Variants in KLHL35 observed in about 807,000 individuals in gnomAD.
The protein encoded by KLHL35 is kelch-like protein 35.
A neutral mutation model predicts 44.0 loss-of-function variants in KLHL35; 50 were observed. That is an observed-to-expected ratio of 1.14 (90% CI 0.91 to 1.44). The LOEUF is 1.44. Ranked by LOEUF, KLHL35 falls within the 40% of genes most tolerant of loss-of-function variation. The pLI, the probability that KLHL35 is intolerant of heterozygous loss-of-function variation, is 0.00. For synonymous variants in KLHL35, 470 were observed against 410.4 expected, an observed-to-expected ratio of 1.15 and a Z score of -1.76; for missense variants, 1,049 against 887.8, an observed-to-expected ratio of 1.18 and a Z score of -2.31.
rs1284894462 is a variant in KLHL35, at chr11:75,430,275, C to A, written c.355G>T (p.Ala119Ser). 2 of 1,205,490 alleles carry A rather than the reference C, an allele frequency of 1.7e-6. No individual in the cohort carries two copies. The highest frequency in any genetic ancestry group is 2.1e-6 in the Non-Finnish European group (2 of 974,038). The allele number at this position is 1,205,490 out of a possible 1,614,324, so 74.7% of individuals were successfully genotyped here. Reference protein sequence around the residue: ...YVYGAGVRLRAEDEAAAVLAL... With the variant: ...YVYGAGVRLRSEDEAAAVLAL... Reference sequence around the variant, plus strand: ...AGCACGGCCGCCGCCTCGTCCTCCGCGCGCAGCCGCACGCCCGCTCCGTAC... The same window carrying A: ...AGCACGGCCGCCGCCTCGTCCTCCGAGCGCAGCCGCACGCCCGCTCCGTAC... Residue 119 changes from alanine (A) to serine (S), a missense_variant, in exon 2 of 7, where the codon GCG becomes TCG. Ala to Ser is a moderately conservative substitution (Grantham distance 99, BLOSUM62 1). Coordinates refer to ENST00000539798, the MANE Select transcript of KLHL35 (RefSeq NM_001039548.3).
chr11:75,430,434 A>C lies in KLHL35; in HGVS notation c.196T>G (p.Phe66Val), dbSNP rs1948527133. 1.4e-6 allele frequency: 2 copies of C among 1,394,770 alleles called. No individual in the cohort carries two copies. The highest frequency in any genetic ancestry group is 1.9e-6 in the Non-Finnish European group (2 of 1,075,386). 86.4% of individuals were successfully genotyped at this position (1,394,770 alleles called of 1,614,324 possible). ...RAALSAGSAY[F>V]RSLFAAGRPE... ...CGCCCGGCCGCGAACAAGCTGCGGA[A>C]GTAGGCGCTGCCCGCGCTGAGCGCC... The change falls in exon 2 of 7, where the codon TTC becomes GTC. Residue 66 changes from phenylalanine to valine, a missense_variant. Coordinates refer to ENST00000539798, the MANE Select transcript of KLHL35 (RefSeq NM_001039548.3).
Position 75,430,023 on chromosome 11 carries a change from G to A in KLHL35, c.607C>T (p.Leu203=). 7.0e-7 allele frequency: 1 copy of A among 1,419,356 alleles called. No homozygotes were observed. The highest frequency in any genetic ancestry group is 9.2e-7 in the Non-Finnish European group (1 of 1,089,030). The allele number at this position is 1,419,356 out of a possible 1,614,324, so 87.9% of individuals were successfully genotyped here. Residue 203 remains leucine (L), a synonymous_variant, in exon 2 of 7, where the codon CTG becomes TTG. Coordinates refer to ENST00000539798, the MANE Select transcript of KLHL35 (RefSeq NM_001039548.3). ...GCCACGCCCAGCGCGGGGTCCGCCA[G>A]CAGCGCCACCACCTCGTCAGGCGCC... ...ELAPDEVVAL[L]ADPALGVARE...
chr11:75,429,305 G>T (rs1592039465), intron 2 of KLHL35, among the ~76,000 whole-genome samples: 1 of 152,124 alleles, frequency 6.6e-6, no homozygotes, highest in South Asian at 2.1e-4. Flanking sequence ...AGAGAGTGTC[G>T]TCTCTGGGGG....
In KLHL35 at chr11:75,425,500, C is replaced by T; in HGVS notation, c.1267G>A (p.Ala423Thr). ...ACGGCCTCCGGGAGGGGCGCGGCGG[C>T]CGCCCAGGTGTTGGAGAAGGGGTCG... The part of the protein sequence containing the change: ...RYDPFSNTWA[A>T]AAPLPEAVSS... Residue 423 changes from alanine (A) to threonine (T), a missense_variant, in exon 5 of 7, where the codon GCC becomes ACC. Transcript: ENST00000539798. 1 of 1,560,642 alleles carries T rather than the reference C, an allele frequency of 6.4e-7. No homozygotes were observed.
In KLHL35 at chr11:75,422,654, C is replaced by T. The variant is rs760307211; in HGVS notation, c.1678G>A (p.Glu560Lys). ...CAGCGCTGCAGGGATGGCTGGACCT[C>T]CACCTGCCCACTGCTGGGGTCAAAG... Reference protein sequence around the residue: ...FTFDPSSGQVEVQPSLQRCTS... With the variant: ...FTFDPSSGQVKVQPSLQRCTS... Residue 560 changes from glutamate (E) to lysine (K), a missense_variant, in exon 7 of 7, where the codon GAG (glutamate) becomes AAG (lysine). Coordinates refer to ENST00000539798, the MANE Select transcript of KLHL35 (RefSeq NM_001039548.3). The T allele has an allele frequency of 6.2e-7, 1 of 1,614,018 alleles. No homozygotes were observed. The highest frequency in any genetic ancestry group is 1.1e-5 in the South Asian group (1 of 91,080).
chr11:75,425,153 TG>T (rs1948478827), intron 5 of KLHL35, among the ~76,000 whole-genome samples: 1 of 152,204 alleles, frequency 6.6e-6, no homozygotes, highest in South Asian at 2.1e-4. Context: ...TTAAAATGTA[TG>T]AAACTTACAT....
Position 75,430,258 on chromosome 11 carries a change from C to A in KLHL35, c.372G>T (p.Ala124=). The A allele has an allele frequency of 8.3e-7, 1 of 1,208,994 alleles. No homozygotes were observed. Among genetic ancestry groups the A allele is most frequent in the Non-Finnish European group, 1.0e-6 (1 of 973,716 alleles). The allele number at this position is 1,208,994 out of a possible 1,614,324, so 74.9% of individuals were successfully genotyped here. A position where few individuals can be genotyped will look rare whatever the true frequency, so the allele number is the denominator to read the frequency against. The change falls in exon 2 of 7, where the codon GCG becomes GCT. Residue 124 remains alanine, a synonymous_variant. Transcript: ENST00000539798. The part of the protein sequence containing the change: ...GVRLRAEDEA[A]AVLALAERLG... ...GCCGCTCCGCCAGCGCCAGCACGGC[C>A]GCCGCCTCGTCCTCCGCGCGCAGCC...
Position 75,429,738 on chromosome 11 carries a change from G to A in KLHL35, c.881+11C>T. 1 of 1,445,664 alleles carries A rather than the reference G, an allele frequency of 6.9e-7. No homozygotes were observed. The allele number at this position is 1,445,664 out of a possible 1,614,324, so 89.6% of individuals were successfully genotyped here. A position where few individuals can be genotyped will look rare whatever the true frequency, so the allele number is the denominator to read the frequency against. On this transcript the variant is annotated intron_variant, in intron 2 of 6. Coordinates refer to ENST00000539798, the MANE Select transcript of KLHL35 (RefSeq NM_001039548.3). The stretch of plus-strand genomic sequence containing the variant: ...AACGGAGGGCGGGAAGCTAGGGGAT[G>A]GCGGCCCTACCTCCGCGGCCGGGTC...
At chr11:75,431,176 A>C (rs1306645523) in intron 1 of KLHL35, among the ~76,000 whole-genome samples, 1 of 151,964 alleles carries the variant, frequency 6.6e-6, no homozygotes, top group Non-Finnish European at 1.5e-5. Flanking sequence ...TGTGCAGGGG[A>C]GAGAGGGTAC....
At chr11:75,428,693 A>G in intron 2 of KLHL35, 67 bp from the exon 3 acceptor site, 1 of 1,346,890 alleles carries the variant, frequency 7.4e-7, no homozygotes, top group Admixed American at 2.3e-5. Flanking sequence ...TACCCTCTCG[A>G]CCACACTGCA....
chr11:75,422,799 G>C, intron 6 of KLHL35, 31 bp from the exon 7 acceptor site: 6 of 1,596,816 alleles, frequency 3.8e-6, no homozygotes, highest in Non-Finnish European at 5.1e-6. Context: ...ACAACTATCA[G>C]GTCCAGCCTG....
chr11:75,427,711 G>A (rs146955650), intron 3 of KLHL35, among the ~76,000 whole-genome samples: 32 of 152,254 alleles, frequency 2.1e-4, no homozygotes, highest in Non-Finnish European at 8.8e-5. Flanking sequence ...TACTCAACCT[G>A]CACTTCAGAG....
At chr11:75,425,665 G>T in intron 4 of KLHL35, 84 bp from the exon 5 acceptor site, 1 of 1,229,194 alleles carries the variant, frequency 8.1e-7, no homozygotes. Context: ...TACAGTCTTT[G>T]AGCTGGAAAC....
chr11:75,429,968 A>G lies in KLHL35; in HGVS notation c.662T>C (p.Met221Thr). The change falls in exon 2 of 7, where the codon ATG (methionine) becomes ACG (threonine). Residue 221 changes from methionine (M) to threonine (T), a missense_variant. By Grantham distance (81) the Met-to-Thr change is moderately conservative. Transcript: ENST00000539798. The stretch of plus-strand genomic sequence containing the variant: ...CGGCGCGTCGTGGCGCACCCAGCGC[A>G]TGGCCGCTTCAAACACGGCCTCCTC... ...AREEAVFEAA[M>T]RWVRHDAPAR... is the part of the protein sequence containing the mutation. 1 of 1,438,220 alleles carries G rather than the reference A, an allele frequency of 7.0e-7. No homozygotes were observed. Among genetic ancestry groups the G allele is most frequent in the Non-Finnish European group, 9.1e-7 (1 of 1,103,344 alleles). The allele number at this position is 1,438,220 out of a possible 1,614,324, so 89.1% of individuals were successfully genotyped here. A position where few individuals can be genotyped will look rare whatever the true frequency, so the allele number is the denominator to read the frequency against.
rs1006377186 is a variant in KLHL35, at chr11:75,430,066, G to A, written c.564C>T (p.His188=). 1.4e-6 allele frequency: 2 copies of A among 1,394,680 alleles called. No homozygotes were observed. Among genetic ancestry groups the A allele is most frequent in the Admixed American group, 3.0e-5 (1 of 32,850 alleles). 86.4% of individuals were successfully genotyped at this position (1,394,680 alleles called of 1,614,324 possible). ...CAGGCGCCAGCTCCAGGAAGTCGGC[G>A]TGGCGCGCCACCTCGGCGAAGGCCT... ...LRQAFAEVAR[H]ADFLELAPDE... is the part of the protein sequence containing the mutation. The change falls in exon 2 of 7, where the codon CAC becomes CAT. Residue 188 remains histidine (H), a synonymous_variant. Coordinates refer to ENST00000539798, the MANE Select transcript of KLHL35 (RefSeq NM_001039548.3).
chr11:75,429,776 G>A lies in KLHL35; in HGVS notation c.854C>T (p.Ala285Val). Residue 285 changes from alanine (A) to valine (V), a missense_variant, in exon 2 of 7, where the codon GCC becomes GTC. Coordinates refer to ENST00000539798, the MANE Select transcript of KLHL35 (RefSeq NM_001039548.3). ...CCGCGGCCGGGTCCGCAGCGCACCG[G>A]CCTCGCGGCCCAGGATGAAGCAGGC... is the stretch of plus-strand genomic sequence containing the variant. Reference protein sequence around the residue: ...ARACFILGREAGALRTRPRRF... With the variant: ...ARACFILGREVGALRTRPRRF... The A allele has an allele frequency of 1.3e-6, 2 of 1,499,592 alleles. No individual in the cohort carries two copies. Among genetic ancestry groups the A allele is most frequent in the Admixed American group, 2.2e-5 (1 of 46,254 alleles). 92.9% of individuals were successfully genotyped at this position (1,499,592 alleles called of 1,614,324 possible).
chr11:75,430,922 C>T (rs771284721), intron 1 of KLHL35, among the ~76,000 whole-genome samples: 3 of 152,160 alleles, frequency 2.0e-5, no homozygotes, highest in Admixed American at 6.5e-5. Flanking sequence ...ACAGGGTAAT[C>T]GGAGGAGGGT....
At position 75,425,441 on chromosome 11, in the gene KLHL35, C is replaced by G. The variant is rs752179937; in HGVS notation, c.1326G>C (p.Lys442Asn). The G allele has an allele frequency of 4.5e-6, 7 of 1,570,912 alleles. No homozygotes were observed. Among genetic ancestry groups the G allele is most frequent in the Admixed American group, 1.8e-5 (1 of 55,470 alleles). The change falls in exon 5 of 7, where the codon AAG becomes AAC. Residue 442 changes from lysine (K) to asparagine (N), a missense_variant. Lys to Asn is a moderately conservative substitution (Grantham distance 94). Transcript: ENST00000539798. ...GCCTGGCGCCCCCAATCACGAAGAG[C>G]TTGCCCGCGCAGGACGCCACCGCCG... ...SSAAVASCAG[K>N]LFVIGGARQG... is the part of the protein sequence containing the mutation.
chr11:75,425,351 C>T lies in KLHL35; in HGVS notation c.1374+42G>A, dbSNP rs762159775. On this transcript the variant is annotated intron_variant, in intron 5 of 6. Coordinates refer to ENST00000539798, the MANE Select transcript of KLHL35 (RefSeq NM_001039548.3). ...TCTGCGCCTGGCACACAGTGGGCACCCCAGCCTTCAACGCCCTCTCGCGCC... is the reference window on the plus strand; with the variant it reads ...TCTGCGCCTGGCACACAGTGGGCACTCCAGCCTTCAACGCCCTCTCGCGCC... 90 of 1,496,588 alleles carry T rather than the reference C, an allele frequency of 6.0e-5. No homozygotes were observed. The Middle Eastern group carries it at 2.4e-3, about 39-fold the overall frequency. The allele number at this position is 1,496,588 out of a possible 1,614,324, so 92.7% of individuals were successfully genotyped here. A position where few individuals can be genotyped will look rare whatever the true frequency, so the allele number is the denominator to read the frequency against.
Sources: allele counts gnomAD v4.1 joint callset (sites outside exome capture counted in the v4.1 genomes callset), GRCh38; gene constraint gnomAD v4.1.1; transcripts MANE v1.5; gene names NCBI Gene and HGNC (gene_info 2026-07-23, HGNC 2026-07-21).